TMEM132D: variants seen among roughly 807,000 people sequenced by gnomAD.
The protein encoded by TMEM132D is transmembrane protein 132D.
Under a neutral mutation model 62.3 loss-of-function variants are expected in TMEM132D, and 21 were observed. That is an observed-to-expected ratio of 0.34 (90% CI 0.24 to 0.49). The LOEUF is 0.49. TMEM132D is among the 20% of genes least tolerant of loss of function. The pLI is 0.99. For missense variants in TMEM132D, 1,346 were observed against 1,402.8 expected (o/e 0.96, Z 0.65); for synonymous variants, 621 against 575.6 (o/e 1.08, Z -1.13).
intron 1 of TMEM132D, among the ~76,000 whole-genome samples, chr12:129,843,021 G>C (rs573096193): frequency 6.6e-6 from 1 of 152,188 alleles, no homozygotes; most frequent in South Asian, 2.1e-4. Flanking sequence ...TAGTACTGTT[G>C]GTTCCAGATA....
chr12:129,148,009 C>T (rs993678050), intron 5 of TMEM132D, among the ~76,000 whole-genome samples: 52 of 152,324 alleles, frequency 3.4e-4, no homozygotes, highest in African/African-American at 1.2e-3. Context: ...AAACAGGATG[C>T]CATGGTTTCC....
chr12:129,414,556 T>C (rs1872059948), intron 3 of TMEM132D, among the ~76,000 whole-genome samples: 1 of 152,332 alleles, frequency 6.6e-6, no homozygotes, highest in South Asian at 2.1e-4. Flanking sequence ...GGATGCAGCA[T>C]GATGTGCTGA....
At chr12:129,200,153 G>A (rs1240499046) in intron 5 of TMEM132D, among the ~76,000 whole-genome samples, 1 of 152,020 alleles carries the variant, frequency 6.6e-6, no homozygotes, top group Non-Finnish European at 1.5e-5. Context: ...GGACCAAGAG[G>A]GCCAATCCCT....
At chr12:129,334,815 C>T (rs1166762936) in intron 4 of TMEM132D, among the ~76,000 whole-genome samples, 8 of 152,096 alleles carry the variant, frequency 5.3e-5, no homozygotes, top group Non-Finnish European at 1.0e-4. Context: ...GTCTTGAACT[C>T]CTGACCTCAG....
intron 1 of TMEM132D, among the ~76,000 whole-genome samples, chr12:129,842,097 A>ATTGTTTTT (rs1566005017): frequency 2.1e-3 from 207 of 97,218 alleles, no homozygotes; most frequent in East Asian, 0.011. Context: ...CGCCCGGCTA[A>ATTGTTTTT]TTTTTTTTTT....
intron 1 of TMEM132D, among the ~76,000 whole-genome samples, chr12:129,775,354 G>T (rs12370333): frequency 0.086 from 13,113 of 152,102 alleles, 645 homozygotes; most frequent in African/African-American, 0.11. Flanking sequence ...GACAAGCAGC[G>T]ACCTTGCCCA....
intron 5 of TMEM132D, among the ~76,000 whole-genome samples, chr12:129,160,260 A>G (rs988490880): frequency 6.6e-6 from 1 of 152,196 alleles, no homozygotes; most frequent in Non-Finnish European, 1.5e-5. Flanking sequence ...TTGTAGAATC[A>G]TCTCTCTCCT....
chr12:129,464,384 T>A (rs1331273754), intron 3 of TMEM132D, among the ~76,000 whole-genome samples: 5 of 152,312 alleles, frequency 3.3e-5, no homozygotes, highest in African/African-American at 9.6e-5. Context: ...CTTTGTCAGA[T>A]GAGTAGGTTG....
intron 2 of TMEM132D, among the ~76,000 whole-genome samples, chr12:129,673,016 G>C (rs897543497): frequency 4.6e-5 from 7 of 152,214 alleles, no homozygotes; most frequent in African/African-American, 1.7e-4. Flanking sequence ...CCAAAGTGCT[G>C]GGATTACAGG....
chr12:129,194,623 A>G (rs1313283050), intron 5 of TMEM132D, among the ~76,000 whole-genome samples: 2 of 152,248 alleles, frequency 1.3e-5, no homozygotes, highest in African/African-American at 4.8e-5. Flanking sequence ...CAATAAAAAT[A>G]AAAATAAACA....
intron 5 of TMEM132D, among the ~76,000 whole-genome samples, chr12:129,089,712 G>A (rs1874844200): frequency 6.6e-6 from 1 of 152,194 alleles, no homozygotes; most frequent in African/African-American, 2.4e-5. Context: ...GGCTGAACGC[G>A]CTTCCTGCTC....
At chr12:129,544,115 G>A (rs985159550) in intron 2 of TMEM132D, among the ~76,000 whole-genome samples, 1 of 152,164 alleles carries the variant, frequency 6.6e-6, no homozygotes, top group Admixed American at 6.6e-5. Context: ...GTGTCTTAAA[G>A]TCCTTGTTTT....
At chr12:129,649,188 T>G (rs1304310771) in intron 2 of TMEM132D, among the ~76,000 whole-genome samples, 3 of 152,232 alleles carry the variant, frequency 2.0e-5, no homozygotes, top group African/African-American at 7.2e-5. Flanking sequence ...ATCTCTCATT[T>G]CTTATTCAAC....
intron 4 of TMEM132D, among the ~76,000 whole-genome samples, chr12:129,262,151 G>A (rs556557394): frequency 6.6e-6 from 1 of 152,240 alleles, no homozygotes; most frequent in African/African-American, 2.4e-5. Context: ...TATTTGTAAA[G>A]GGATGCACCG....
chr12:129,432,115 A>G (rs1263430497), intron 3 of TMEM132D, among the ~76,000 whole-genome samples: 1 of 149,130 alleles, frequency 6.7e-6, no homozygotes, highest in African/African-American at 2.5e-5. Flanking sequence ...GAATGAATGG[A>G]TGGATAGGTG....
chr12:129,092,834 G>T (rs1203632525), intron 5 of TMEM132D, among the ~76,000 whole-genome samples: 2 of 152,062 alleles, frequency 1.3e-5, no homozygotes, highest in Non-Finnish European at 2.9e-5. Flanking sequence ...TATTAGATTG[G>T]TACCCTTACC....
At chr12:129,705,180 A>C (rs887139149) in intron 1 of TMEM132D, among the ~76,000 whole-genome samples, 1 of 152,230 alleles carries the variant, frequency 6.6e-6, no homozygotes, top group East Asian at 1.9e-4. Flanking sequence ...CAGATGATGG[A>C]GCTCCTAATG....
chr12:129,322,290 G>C (rs188402101), intron 4 of TMEM132D, among the ~76,000 whole-genome samples: 1 of 151,988 alleles, frequency 6.6e-6, no homozygotes, highest in Non-Finnish European at 1.5e-5. Context: ...TGATGTAAAA[G>C]CATCAGTTTT....
intron 5 of TMEM132D, among the ~76,000 whole-genome samples, chr12:129,114,034 G>A (rs752967685): frequency 6.6e-6 from 1 of 152,050 alleles, no homozygotes; most frequent in Non-Finnish European, 1.5e-5. Context: ...TGCTGTGAGG[G>A]CCAAGGAACT....
Sources: gnomAD v4.1 joint callset for allele counts (sites outside exome capture counted in the v4.1 genomes callset) on GRCh38, gnomAD v4.1.1 for gene constraint, MANE v1.5 for transcripts, NCBI Gene and HGNC (gene_info 2026-07-23, HGNC 2026-07-21) for gene names.